Variants in EDC4 observed in about 807,000 individuals in gnomAD.
EDC4 encodes enhancer of mRNA-decapping protein 4.
In EDC4, 64 loss-of-function variants were observed where a neutral mutation model predicts 155.8. That is an observed-to-expected ratio of 0.41 (90% confidence interval 0.34 to 0.51). EDC4 has a LOEUF of 0.51. Ranked by LOEUF, EDC4 falls within the 20% of genes least tolerant of loss-of-function variation. The probability of loss-of-function intolerance (pLI) is 0.19; values close to 1 mark genes in which losing one functional copy is unlikely to be tolerated. For missense variants in EDC4, 1,303 were observed against 1,812.5 expected (o/e 0.72, Z 5.10); for synonymous variants, 684 against 716.8 (o/e 0.95, Z 0.73).
Position 67,883,247 on chromosome 16 carries a change from C to T in EDC4, c.3849+70C>T, listed in dbSNP as rs1280610163. 5.4e-6 allele frequency: 8 copies of T among 1,488,324 alleles called. No individual in the cohort carries two copies. The African/African-American group carries it at 1.1e-4, about 21-fold the overall frequency. 92.2% of individuals were successfully genotyped at this position (1,488,324 alleles called of 1,614,324 possible). ...CAAGGCCCACATACCATACATTCTACTCCACCCACCACCTTTGCACCTTCT... is the reference window on the plus strand; with the variant it reads ...CAAGGCCCACATACCATACATTCTATTCCACCCACCACCTTTGCACCTTCT... On this transcript the variant is annotated intron_variant, in intron 27 of 28. Coordinates refer to ENST00000358933, the MANE Select transcript of EDC4 (RefSeq NM_014329.5). This position sits in a 1 kb window ranked among gnomAD's most constrained non-coding sequence, Gnocchi z 5.3.
At position 67,879,240 on chromosome 16, in the gene EDC4, G is replaced by A. The variant is rs60802318; in HGVS notation, c.1472G>A (p.Gly491Asp). 18 of 1,614,210 alleles carry A rather than the reference G, an allele frequency of 1.1e-5. No individual in the cohort carries two copies. Among genetic ancestry groups the A allele is most frequent in the Non-Finnish European group, 1.4e-5 (17 of 1,180,034 alleles). The change falls in exon 13 of 29, where the codon GGT becomes GAT. Residue 491 changes from glycine to aspartate, a missense_variant. Transcript: ENST00000358933. This position sits in a 1 kb window ranked among gnomAD's most constrained non-coding sequence, Gnocchi z 6.0. ...ATCATCCACACTGTCCTTTCAGATG[G>A]TACCCATGGAGCCGGTGCCATGGAG... ...EEENDSLGAD[G>D]THGAGAMESA...
Position 67,880,559 on chromosome 16 carries a change from G to T in EDC4, c.2100G>T (p.Val700=). The T allele has an allele frequency of 6.2e-7, 1 of 1,612,586 alleles. No homozygotes were observed. The highest frequency in any genetic ancestry group is 8.5e-7 in the Non-Finnish European group (1 of 1,178,948). The change falls in exon 18 of 29, where the codon GTG becomes GTT. Residue 700 remains valine, a splice_region_variant and synonymous_variant. Transcript: ENST00000358933. This position sits in a 1 kb window ranked among gnomAD's most constrained non-coding sequence, Gnocchi z 5.2. ...DKLTPKGPGQ[V]PTATSALSLE... The stretch of plus-strand genomic sequence containing the variant: ...CCCCCATCTTTGGCCCACCTCAGGT[G>T]CCTACTGCCACCTCTGCACTGTCCC...
chr16:67,874,703 C>T (rs577908782), intron 1 of EDC4, among the ~76,000 whole-genome samples: 2 of 152,308 alleles, frequency 1.3e-5, no homozygotes, highest in South Asian at 2.1e-4. Context: ...CTTATAACTA[C>T]TTTGTTTATT....
Position 67,879,682 on chromosome 16 carries a change from G to A in EDC4, c.1729G>A (p.Ala577Thr), listed in dbSNP as rs765757945. 2 of 1,614,194 alleles carry A rather than the reference G, an allele frequency of 1.2e-6. No homozygotes were observed. Among genetic ancestry groups the A allele is most frequent in the South Asian group, 1.1e-5 (1 of 91,088 alleles). ...CCTCCGACGAATCGTGGAGCTGCCT[G>A]CACCTGCCGACTTCCTCAGTCTGAG... ...PDLRRIVELPAPADFLSLSSE... is the reference protein window; with the variant it reads ...PDLRRIVELPTPADFLSLSSE... The change falls in exon 15 of 29, where the codon GCA becomes ACA. Residue 577 changes from alanine (A) to threonine (T), a missense_variant. Ala to Thr is a moderately conservative substitution (Grantham distance 58). Coordinates refer to ENST00000358933, the MANE Select transcript of EDC4 (RefSeq NM_014329.5). This position sits in a 1 kb window ranked among gnomAD's most constrained non-coding sequence, Gnocchi z 6.0.
chr16:67,876,383 G>T lies in EDC4; in HGVS notation c.240-105G>T. Reference sequence around the variant, plus strand: ...AGTGGACCAGGCGAAGCTGACATTGGACTAGATACCTTCCCCAGTCTGGCT... The same window carrying T: ...AGTGGACCAGGCGAAGCTGACATTGTACTAGATACCTTCCCCAGTCTGGCT... On this transcript the variant is annotated intron_variant, in intron 2 of 28. Transcript: ENST00000358933. This position sits in a 1 kb window ranked among gnomAD's most constrained non-coding sequence, Gnocchi z 5.8. 1 of 1,501,376 alleles carries T rather than the reference G, an allele frequency of 6.7e-7. No homozygotes were observed. The highest frequency in any genetic ancestry group is 1.3e-5 in the South Asian group (1 of 76,114). The allele number at this position is 1,501,376 out of a possible 1,614,324, so 93.0% of individuals were successfully genotyped here.
chr16:67,873,416 G>T (rs1172762422), intron 1 of EDC4, 73 bp downstream of exon 1: 13 of 1,188,556 alleles, frequency 1.1e-5, no homozygotes, highest in Non-Finnish European at 1.3e-5. Flanking sequence ...CCGCCATTGG[G>T]GCCCACAGCT....
At position 67,878,876 on chromosome 16, in the gene EDC4, T is replaced by C; in HGVS notation, c.1287+37T>C. 6.2e-7 allele frequency: 1 copy of C among 1,611,834 alleles called. No individual in the cohort carries two copies. Among genetic ancestry groups the C allele is most frequent in the Non-Finnish European group, 8.5e-7 (1 of 1,179,974 alleles). ...TGGGGTACCCTGGGCAGAGTTGGGA[T>C]TATAGAGGAAGGCCGGGGGGCAGGT... On this transcript the variant is annotated intron_variant, in intron 11 of 28. Coordinates refer to ENST00000358933, the MANE Select transcript of EDC4 (RefSeq NM_014329.5). This position sits in a 1 kb window ranked among gnomAD's most constrained non-coding sequence, Gnocchi z 5.2.
In EDC4 at chr16:67,873,063, G is replaced by C. The variant is rs1188076337; in HGVS notation, c.-199G>C. 2.5e-5 allele frequency: 11 copies of C among 432,192 alleles called. No individual in the cohort carries two copies. The highest frequency in any genetic ancestry group is 1.8e-4 in the Admixed American group (4 of 22,410). 26.8% of individuals were successfully genotyped at this position (432,192 alleles called of 1,614,324 possible). A position where few individuals can be genotyped will look rare whatever the true frequency, so the allele number is the denominator to read the frequency against. ...TGGCAGGTTCCGGGAGCCTCGGCTC[G>C]TGGGTGCCGGAAGTGGAGGCGGTTG... On this transcript the variant is annotated 5_prime_UTR_variant, in exon 1 of 29. Transcript: ENST00000358933.
chr16:67,884,252 T>C lies in EDC4; in HGVS notation c.*104T>C. The stretch of plus-strand genomic sequence containing the variant: ...TGGCCTTTACCTGCTCAGGCCCCCA[T>C]CTCTGGGGTGTTTGGGGGTCAGGGA... On this transcript the variant is annotated 3_prime_UTR_variant, in exon 29 of 29. Transcript: ENST00000358933. The surrounding 1 kb of genome is among the most constrained non-coding windows in gnomAD (Gnocchi z 4.1). The C allele has an allele frequency of 9.0e-7, 1 of 1,116,222 alleles. No homozygotes were observed. 69.1% of individuals were successfully genotyped at this position (1,116,222 alleles called of 1,614,324 possible). A position where few individuals can be genotyped will look rare whatever the true frequency, so the allele number is the denominator to read the frequency against.
At position 67,880,375 on chromosome 16, in the gene EDC4, G is replaced by T; in HGVS notation, c.2097+159G>T. ...TTTCACCCTCCTGTGTTTCCTGGTGGGTGTCTCCTCAGCCTCCCTGTCCCC... is the reference window on the plus strand; with the variant it reads ...TTTCACCCTCCTGTGTTTCCTGGTGTGTGTCTCCTCAGCCTCCCTGTCCCC... On this transcript the variant is annotated intron_variant, in intron 17 of 28. Transcript: ENST00000358933. The surrounding 1 kb of genome is among the most constrained non-coding windows in gnomAD (Gnocchi z 5.2). 7.3e-7 allele frequency: 1 copy of T among 1,363,600 alleles called. No individual in the cohort carries two copies. The highest frequency in any genetic ancestry group is 2.3e-5 in the Admixed American group (1 of 43,282). The allele number at this position is 1,363,600 out of a possible 1,614,324, so 84.5% of individuals were successfully genotyped here.
Position 67,878,131 on chromosome 16 carries a change from C to A in EDC4, c.895-35C>A, listed in dbSNP as rs1452527037. ...CTCACTTGGGAGGGGCTTGTTCTCA[C>A]CTCTAGTCAGCAAAGCTTTTTGGGT... On this transcript the variant is annotated intron_variant, in intron 7 of 28. Coordinates refer to ENST00000358933, the MANE Select transcript of EDC4 (RefSeq NM_014329.5). The surrounding 1 kb of genome is among the most constrained non-coding windows in gnomAD (Gnocchi z 5.2). 9 of 1,613,568 alleles carry A rather than the reference C, an allele frequency of 5.6e-6. No homozygotes were observed. Among genetic ancestry groups the A allele is most frequent in the Non-Finnish European group, 7.6e-6 (9 of 1,179,810 alleles).
chr16:67,879,640 C>G lies in EDC4; in HGVS notation c.1687C>G (p.His563Asp). 5.6e-6 allele frequency: 9 copies of G among 1,614,176 alleles called. No individual in the cohort carries two copies. Among genetic ancestry groups the G allele is most frequent in the Non-Finnish European group, 7.6e-6 (9 of 1,180,030 alleles). ...LGSEGLGSAA[H>D]GSQPDLRRIV... ...CTCTGAGGGCCTGGGGTCAGCCGCT[C>G]ACGGCTCCCAGCCTGACCTCCGACG... The change falls in exon 15 of 29, where the codon CAC becomes GAC. Residue 563 changes from histidine to aspartate, a missense_variant. By Grantham distance (81) the His-to-Asp change is moderately conservative. Coordinates refer to ENST00000358933, the MANE Select transcript of EDC4 (RefSeq NM_014329.5). This position sits in a 1 kb window ranked among gnomAD's most constrained non-coding sequence, Gnocchi z 6.0.
At position 67,879,572 on chromosome 16, in the gene EDC4, C is replaced by G; in HGVS notation, c.1634-15C>G. 2 of 1,613,662 alleles carry G rather than the reference C, an allele frequency of 1.2e-6. No homozygotes were observed. Among genetic ancestry groups the G allele is most frequent in the Non-Finnish European group, 1.7e-6 (2 of 1,179,644 alleles). The stretch of plus-strand genomic sequence containing the variant: ...AGGGTCTGAGATCTAACTCAAGTGG[C>G]AACTTGCCCTGCAGCATTTGGAGAG... On this transcript the variant is annotated splice_polypyrimidine_tract_variant and intron_variant, in intron 14 of 28. Transcript: ENST00000358933. This position sits in a 1 kb window ranked among gnomAD's most constrained non-coding sequence, Gnocchi z 6.0.
In EDC4 at chr16:67,883,480, G is replaced by T; in HGVS notation, c.3850-88G>T. ...GGAGCTCTCACTAGCCCACCCTGTG[G>T]TCATCCTCCCCCAGGCCACACAGTT... On this transcript the variant is annotated intron_variant, in intron 27 of 28. Transcript: ENST00000358933. The surrounding 1 kb of genome is among the most constrained non-coding windows in gnomAD (Gnocchi z 5.3). The T allele has an allele frequency of 6.4e-7, 1 of 1,563,488 alleles. No individual in the cohort carries two copies. The highest frequency in any genetic ancestry group is 1.2e-5 in the South Asian group (1 of 84,886).
rs1567388865 is a variant in EDC4, at chr16:67,875,858, C to T, written c.83-87C>T. ...GCTCAGTTGAGTGTTCCTAGAGCACCTCATAGTTCTTGAAGGAAACTCTGA... is the reference window on the plus strand; with the variant it reads ...GCTCAGTTGAGTGTTCCTAGAGCACTTCATAGTTCTTGAAGGAAACTCTGA... On this transcript the variant is annotated intron_variant, in intron 1 of 28. Coordinates refer to ENST00000358933, the MANE Select transcript of EDC4 (RefSeq NM_014329.5). 4 of 1,542,772 alleles carry T rather than the reference C, an allele frequency of 2.6e-6. No individual in the cohort carries two copies. The Middle Eastern group carries it at 7.3e-4, about 281-fold the overall frequency.
rs2053094973 is a variant in EDC4 at position 67,879,132 on chromosome 16, G to A, written c.1463G>A (p.Gly488Asp). 6.2e-7 allele frequency: 1 copy of A among 1,613,742 alleles called. No individual in the cohort carries two copies. The highest frequency in any genetic ancestry group is 1.7e-5 in the Admixed American group (1 of 59,998). Residue 488 changes from glycine (G) to aspartate (D), a missense_variant, in exon 12 of 29, where the codon GGT (glycine) becomes GAT (aspartate). By Grantham distance (94) the Gly-to-Asp change is moderately conservative. This residue lies in a region of EDC4 where 391 missense variants were observed against 445.4 expected (regional missense o/e 0.88). Transcript: ENST00000358933. The surrounding 1 kb of genome is among the most constrained non-coding windows in gnomAD (Gnocchi z 6.0). ...GCCGAAGAGGAAAATGACAGCCTGG[G>A]TGCTGGTGAGCTGCCTCAGGGTCAG... The part of the protein sequence containing the change: ...LPAEEENDSL[G>D]ADGTHGAGAM...
chr16:67,876,359 G>A lies in EDC4; in HGVS notation c.240-129G>A, dbSNP rs1042578892. The A allele has an allele frequency of 4.9e-6, 7 of 1,432,904 alleles. No homozygotes were observed. Among genetic ancestry groups the A allele is most frequent in the Non-Finnish European group, 6.5e-6 (7 of 1,076,880 alleles). 88.8% of individuals were successfully genotyped at this position (1,432,904 alleles called of 1,614,324 possible). A position where few individuals can be genotyped will look rare whatever the true frequency, so the allele number is the denominator to read the frequency against. The stretch of plus-strand genomic sequence containing the variant: ...AAGCAGAGCTGTGGGTCTGGGGCCA[G>A]TGGACCAGGCGAAGCTGACATTGGA... On this transcript the variant is annotated intron_variant, in intron 2 of 28. Coordinates refer to ENST00000358933, the MANE Select transcript of EDC4 (RefSeq NM_014329.5). The surrounding 1 kb of genome is among the most constrained non-coding windows in gnomAD (Gnocchi z 5.8).
Position 67,878,308 on chromosome 16 carries a change from C to T in EDC4, c.1004+33C>T, listed in dbSNP as rs776639761. The T allele has an allele frequency of 2.9e-5, 47 of 1,614,064 alleles. No individual in the cohort carries two copies. Among genetic ancestry groups the T allele is most frequent in the Middle Eastern group, 1.6e-4 (1 of 6,084 alleles). ...AGGGCCTCAGGGACCAGGATCCTCC[C>T]GAGGTAGCCCACCCGACCACTCACT... On this transcript the variant is annotated intron_variant, in intron 8 of 28. Transcript: ENST00000358933. The surrounding 1 kb of genome is among the most constrained non-coding windows in gnomAD (Gnocchi z 5.2).
rs1330453393 is a variant in EDC4 at position 67,880,320 on chromosome 16, C to A, written c.2097+104C>A. On this transcript the variant is annotated intron_variant, in intron 17 of 28. Coordinates refer to ENST00000358933, the MANE Select transcript of EDC4 (RefSeq NM_014329.5). This position sits in a 1 kb window ranked among gnomAD's most constrained non-coding sequence, Gnocchi z 5.2. ...GCCCCCTGCTGCTGATCCTGCTCTACCCGACATGGTCCGTGTTTCCCTGAG... is the reference window on the plus strand; with the variant it reads ...GCCCCCTGCTGCTGATCCTGCTCTAACCGACATGGTCCGTGTTTCCCTGAG... The A allele has an allele frequency of 2.7e-6, 4 of 1,476,840 alleles. No individual in the cohort carries two copies. The highest frequency in any genetic ancestry group is 3.6e-6 in the Non-Finnish European group (4 of 1,110,496). 91.5% of individuals were successfully genotyped at this position (1,476,840 alleles called of 1,614,324 possible).
Sources: gnomAD v4.1 joint callset for allele counts (sites outside exome capture counted in the v4.1 genomes callset) on GRCh38, gnomAD v4.1.1 for gene constraint, gnomAD v4.1.1 regional missense constraint, Gnocchi (gnomAD v3.1) non-coding constraint, MANE v1.5 for transcripts, NCBI Gene and HGNC (gene_info 2026-07-23, HGNC 2026-07-21) for gene names.